Variants in DLGAP2 observed in about 807,000 individuals in gnomAD.
The protein encoded by DLGAP2 is DLG associated protein 2, also known as disks large-associated protein 2.
In DLGAP2, 26 loss-of-function variants were observed where a neutral mutation model predicts 100.3. The observed-to-expected ratio is 0.26, with a 90% CI of 0.19 to 0.36. The LOEUF (loss-of-function observed/expected upper bound fraction) is 0.36. Ranked by LOEUF, DLGAP2 falls within the 10% of genes least tolerant of loss-of-function variation. DLGAP2 has a pLI of 1.00. For synonymous variants in DLGAP2, 886 were observed against 630.1 expected (o/e 1.41, Z -6.08); for missense variants, 1,858 against 1,453.2 (o/e 1.28, Z -4.53).
At chr8:1,163,989 T>C (rs1371409834) in intron 2 of DLGAP2, among the ~76,000 whole-genome samples, 1 of 152,212 alleles carries the variant, frequency 6.6e-6, no homozygotes, top group Non-Finnish European at 1.5e-5. Flanking sequence ...CCTCTAAGAC[T>C]CAGTGTTCAG....
intron 6 of DLGAP2, among the ~76,000 whole-genome samples, chr8:1,584,587 C>T (rs561244308): frequency 6.6e-6 from 1 of 152,254 alleles, no homozygotes; most frequent in East Asian, 1.9e-4. Context: ...GCAGAGAGAG[C>T]ATTTGCACTC....
chr8:889,494 T>G (rs1797990982), intron 1 of DLGAP2, among the ~76,000 whole-genome samples: 1 of 151,812 alleles, frequency 6.6e-6, no homozygotes, highest in South Asian at 2.1e-4. Flanking sequence ...CTGGCTGGAG[T>G]TATTGGAGTT....
chr8:846,968 G>T (rs1797083264), intron 1 of DLGAP2, among the ~76,000 whole-genome samples: 1 of 152,132 alleles, frequency 6.6e-6, no homozygotes, highest in Admixed American at 6.5e-5. Context: ...TTTCTTGTTA[G>T]GGTTTACTAC....
rs2117083701 is a variant in DLGAP2 at position 1,342,309 on chromosome 8, A to C, written c.106+83426A>C. Among the ~76,000 whole-genome samples, 2 of 152,308 alleles carry C rather than the reference A, an allele frequency of 1.3e-5. 1 individual carries two copies. The highest frequency in any genetic ancestry group is 4.1e-4 in the South Asian group (2 of 4,824). Reference sequence around the variant, plus strand: ...ACTGGATTGCAAACCTCCCAACCTCACATATTATTTCCAGCAATTTAGTGC... The same window carrying C: ...ACTGGATTGCAAACCTCCCAACCTCCCATATTATTTCCAGCAATTTAGTGC... On this transcript the variant is annotated intron_variant, in intron 3 of 14. Coordinates refer to ENST00000637795, the MANE Select transcript of DLGAP2 (RefSeq NM_001346810.2).
At chr8:1,477,251 G>A (rs1296772162) in intron 3 of DLGAP2, among the ~76,000 whole-genome samples, 2 of 152,184 alleles carry the variant, frequency 1.3e-5, no homozygotes, top group Admixed American at 1.3e-4. Flanking sequence ...TCAGGTCTCA[G>A]ATGACGGCTG....
intron 2 of DLGAP2, among the ~76,000 whole-genome samples, chr8:960,160 T>C (rs1461421212): frequency 6.6e-6 from 1 of 151,696 alleles, no homozygotes; most frequent in African/African-American, 2.4e-5. Flanking sequence ...TATGGGTTCT[T>C]ACATGCTGTT....
intron 1 of DLGAP2, among the ~76,000 whole-genome samples, chr8:873,358 A>G (rs1797633918): frequency 6.6e-6 from 1 of 152,218 alleles, no homozygotes; most frequent in Non-Finnish European, 1.5e-5. Flanking sequence ...GACCACCAGC[A>G]CAATTTTGAA....
intron 2 of DLGAP2, among the ~76,000 whole-genome samples, chr8:1,210,834 T>A (rs1798088653): frequency 6.6e-6 from 1 of 151,866 alleles, no homozygotes; most frequent in Non-Finnish European, 1.5e-5. Flanking sequence ...GTGGGACACT[T>A]TGTAAGGTCA....
intron 2 of DLGAP2, among the ~76,000 whole-genome samples, chr8:1,042,220 C>G (rs778986538): frequency 2.6e-5 from 4 of 152,310 alleles, no homozygotes; most frequent in South Asian, 4.1e-4. Flanking sequence ...CTGCTCACCC[C>G]CTGGCTGTGG....
intron 2 of DLGAP2, among the ~76,000 whole-genome samples, chr8:1,079,624 A>G (rs1001894696): frequency 6.6e-6 from 1 of 152,212 alleles, no homozygotes; most frequent in African/African-American, 2.4e-5. Context: ...ACATTTATGG[A>G]CTGTGAACGA....
intron 2 of DLGAP2, among the ~76,000 whole-genome samples, chr8:1,096,850 G>T (rs1248854969): frequency 7.2e-6 from 1 of 138,006 alleles, no homozygotes. Context: ...GGGAGCCCGG[G>T]GCAGGCCTTC....
intron 10 of DLGAP2, among the ~76,000 whole-genome samples, chr8:1,673,973 G>A (rs1798751702): frequency 6.6e-6 from 1 of 152,118 alleles, no homozygotes; most frequent in Non-Finnish European, 1.5e-5. Flanking sequence ...CATGCCCCTG[G>A]TCATTGTTGT....
intron 3 of DLGAP2, among the ~76,000 whole-genome samples, chr8:1,434,414 T>C (rs1310968004): frequency 6.6e-6 from 1 of 151,958 alleles, no homozygotes; most frequent in African/African-American, 2.4e-5. Flanking sequence ...AGAGAGCCCT[T>C]AGCATCCTGC....
At chr8:1,240,551 C>CCG (rs1798765178) in intron 2 of DLGAP2, among the ~76,000 whole-genome samples, 2 of 149,252 alleles carry the variant, frequency 1.3e-5, no homozygotes, top group African/African-American at 5.0e-5. Context: ...TCACATGGCG[C>CCG]TGTGTCTAGT....
intron 2 of DLGAP2, among the ~76,000 whole-genome samples, chr8:1,125,032 C>T (rs1037615137): frequency 2.0e-5 from 3 of 152,234 alleles, no homozygotes; most frequent in East Asian, 1.9e-4. Flanking sequence ...AGCACCTCCT[C>T]GTTCAGGGTC....
chr8:839,477 A>C (rs150072898), intron 1 of DLGAP2, among the ~76,000 whole-genome samples: 101 of 152,338 alleles, frequency 6.6e-4, no homozygotes, highest in African/African-American at 2.4e-3. Flanking sequence ...CAGGCGCAGA[A>C]AGACAAATGC....
intron 2 of DLGAP2, among the ~76,000 whole-genome samples, chr8:950,622 C>G (rs1335348577): frequency 7.7e-6 from 1 of 130,512 alleles, no homozygotes; most frequent in Non-Finnish European, 1.6e-5. Flanking sequence ...TTTTCTTTTT[C>G]TTTTTTTTTT....
intron 1 of DLGAP2, among the ~76,000 whole-genome samples, chr8:897,742 A>G (rs1166630915): frequency 6.7e-6 from 1 of 149,662 alleles, no homozygotes; most frequent in African/African-American, 2.4e-5. Context: ...CGGGTGAGCC[A>G]GAAGCGAGCA....
At chr8:1,553,961 C>T (rs1801870008) in intron 5 of DLGAP2, among the ~76,000 whole-genome samples, 1 of 152,180 alleles carries the variant, frequency 6.6e-6, no homozygotes, top group Non-Finnish European at 1.5e-5. Context: ...GCCAGGCTCC[C>T]CTGTTTCTTG....
Sources: allele counts gnomAD v4.1 joint callset (sites outside exome capture counted in the v4.1 genomes callset), GRCh38; gene constraint gnomAD v4.1.1; transcripts MANE v1.5; gene names NCBI Gene and HGNC (gene_info 2026-07-23, HGNC 2026-07-21).